The following SLC25A24 variants were observed in gnomAD, a reference collection of about 807,000 sequenced individuals.
SLC25A24 encodes solute carrier family 25 member 24, also known as mitochondrial adenyl nucleotide antiporter SLC25A24.
SLC25A24 carries 49 observed loss-of-function variants against 60.7 expected under a neutral mutation model. That is an observed-to-expected ratio of 0.81 (90% confidence interval 0.64 to 1.02). The LOEUF (loss-of-function observed/expected upper bound fraction) is 1.02. SLC25A24 is among the 50% of genes least tolerant of loss of function. The pLI is 0.00. For missense variants in SLC25A24, 564 were observed against 586.3 expected, an observed-to-expected ratio of 0.96 and a Z score of 0.39; for synonymous variants, 202 against 200.6, an observed-to-expected ratio of 1.01 and a Z score of -0.06.
At chr1:108,158,725 G>A (rs890615675) in intron 4 of SLC25A24, among the ~76,000 whole-genome samples, 22 of 151,122 alleles carry the variant, frequency 1.5e-4, no homozygotes, top group East Asian at 5.8e-4. Context: ...AAAAAAGGCC[G>A]GGCACAGTGG....
chr1:108,174,292 A>G (rs1647589301), intron 3 of SLC25A24, among the ~76,000 whole-genome samples: 1 of 152,178 alleles, frequency 6.6e-6, no homozygotes. Context: ...AGCCATGGCT[A>G]AAAGGAGCCA....
intron 4 of SLC25A24, among the ~76,000 whole-genome samples, chr1:108,159,504 TTC>T (rs1679996481): frequency 6.6e-6 from 1 of 150,640 alleles, no homozygotes; most frequent in African/African-American, 2.4e-5. Context: ...TCTTGGGTGT[TTC>T]TCGCAGAGGG....
intron 3 of SLC25A24, among the ~76,000 whole-genome samples, chr1:108,167,802 A>T (rs1294212452): frequency 6.6e-6 from 1 of 152,220 alleles, no homozygotes; most frequent in Non-Finnish European, 1.5e-5. Flanking sequence ...CTATTCAGCC[A>T]TCTTCGCCTT....
intron 5 of SLC25A24, among the ~76,000 whole-genome samples, chr1:108,156,223 C>G (rs1679896631): frequency 6.6e-6 from 1 of 152,150 alleles, no homozygotes; most frequent in African/African-American, 2.4e-5. Flanking sequence ...GCATCTTTTC[C>G]CCGTAATAAA....
chr1:108,151,704 A>T (rs1679762081), intron 6 of SLC25A24, among the ~76,000 whole-genome samples: 1 of 152,004 alleles, frequency 6.6e-6, no homozygotes, highest in Non-Finnish European at 1.5e-5. Flanking sequence ...CTCAGCAACA[A>T]CCTCTCTATC....
intron 8 of SLC25A24, among the ~76,000 whole-genome samples, chr1:108,140,717 A>T (rs144367292): frequency 1.4e-4 from 21 of 152,172 alleles, no homozygotes; most frequent in African/African-American, 4.8e-4. Flanking sequence ...ATAAGTTGCT[A>T]TAACTTTAGT....
At chr1:108,154,073 A>ATTTTTTTTTTTTTTTTTTTTTTT (rs3043351) in intron 6 of SLC25A24, among the ~76,000 whole-genome samples, 1 of 133,484 alleles carries the variant, frequency 7.5e-6, no homozygotes, top group African/African-American at 2.9e-5. Flanking sequence ...ATTTTCTTTA[A>ATTTTTTTTTTTTTTTTTTTTTTT]TTTTTTTTTT....
chr1:108,142,007 T>C (rs182255181), intron 8 of SLC25A24, among the ~76,000 whole-genome samples: 13 of 152,366 alleles, frequency 8.5e-5, no homozygotes, highest in African/African-American at 1.2e-4. Context: ...CTTTATGTTA[T>C]GTGTTTTTAA....
At chr1:108,178,776 A>G (rs1187740693) in intron 3 of SLC25A24, among the ~76,000 whole-genome samples, 8 of 152,038 alleles carry the variant, frequency 5.3e-5, no homozygotes, top group Admixed American at 4.6e-4. Flanking sequence ...ATCGGGCCAC[A>G]GCACTCAAGC....
In SLC25A24 at chr1:108,200,296, G is replaced by A; in HGVS notation, c.-158C>T. On this transcript the variant is annotated 5_prime_UTR_variant, in exon 1 of 10. Transcript: ENST00000565488. ...TGCGGCTGCGGCGCGCAGGGCGCAG[G>A]GCGCAGGAGCGGAGACCCCACCCGA... The A allele has an allele frequency of 1.8e-6, 1 of 570,580 alleles. No homozygotes were observed. The highest frequency in any genetic ancestry group is 6.7e-5 in the South Asian group (1 of 15,030). 35.3% of individuals were successfully genotyped at this position (570,580 alleles called of 1,614,324 possible).
intron 7 of SLC25A24, among the ~76,000 whole-genome samples, chr1:108,146,196 C>T (rs531087743): frequency 8.5e-5 from 13 of 152,226 alleles, no homozygotes; most frequent in Non-Finnish European, 1.8e-4. Context: ...GGAGTTCACT[C>T]GTGATTTGGC....
chr1:108,175,250 T>C (rs1647630059), intron 3 of SLC25A24, among the ~76,000 whole-genome samples: 1 of 152,208 alleles, frequency 6.6e-6, no homozygotes, highest in Non-Finnish European at 1.5e-5. Context: ...ACCCTCATTC[T>C]GATGTTCTCA....
At chr1:108,155,661 C>T (rs1306123333) in intron 5 of SLC25A24, among the ~76,000 whole-genome samples, 2 of 152,000 alleles carry the variant, frequency 1.3e-5, no homozygotes, top group Non-Finnish European at 2.9e-5. Flanking sequence ...TATATCAGGG[C>T]TACCAACACT....
intron 7 of SLC25A24, among the ~76,000 whole-genome samples, 159 bp from the exon 8 acceptor site, chr1:108,143,869 T>TG (rs1571278415): frequency 6.6e-6 from 1 of 152,206 alleles, no homozygotes; most frequent in East Asian, 1.9e-4. Context: ...TTACCTCTAT[T>TG]GGGGGGCTAA....
At position 108,199,942 on chromosome 1, in the gene SLC25A24, C is replaced by T. The variant is rs746556604; in HGVS notation, c.183+14G>A. The T allele has an allele frequency of 4.0e-5, 64 of 1,595,608 alleles. No homozygotes were observed. Among genetic ancestry groups the T allele is most frequent in the Non-Finnish European group, 5.3e-5 (62 of 1,171,418 alleles). On this transcript the variant is annotated intron_variant, in intron 1 of 9. Coordinates refer to ENST00000565488, the MANE Select transcript of SLC25A24 (RefSeq NM_013386.5). ...CCCTCCCTACGCTCAGGCGGCGCCC[C>T]GGCGGCGACCCACCTCCTCGGCGTC...
At chr1:108,164,282 G>A (rs1246572983) in intron 3 of SLC25A24, among the ~76,000 whole-genome samples, 1 of 151,764 alleles carries the variant, frequency 6.6e-6, no homozygotes, top group Non-Finnish European at 1.5e-5. Flanking sequence ...GCCTGGCTTT[G>A]GTATCAGGAT....
At chr1:108,156,997 C>T (rs2101613440) in intron 5 of SLC25A24, among the ~76,000 whole-genome samples, 1 of 152,342 alleles carries the variant, frequency 6.6e-6, no homozygotes, top group African/African-American at 2.4e-5. Flanking sequence ...CCACTCTGGC[C>T]AGCCCAATGC....
chr1:108,199,317 A>G (rs1182106069), intron 1 of SLC25A24: 1 of 152,302 alleles, frequency 6.6e-6, no homozygotes, highest in Non-Finnish European at 1.5e-5. Context: ...AAGGGGCAGA[A>G]GTTCAGGGGC....
intron 3 of SLC25A24, among the ~76,000 whole-genome samples, chr1:108,175,476 T>C (rs1435748509): frequency 6.6e-6 from 1 of 152,146 alleles, no homozygotes; most frequent in African/African-American, 2.4e-5. Flanking sequence ...CAGTTCTTTA[T>C]AGCAGCATGA....
Sources: gnomAD v4.1 joint callset for allele counts (sites outside exome capture counted in the v4.1 genomes callset) on GRCh38, gnomAD v4.1.1 for gene constraint, MANE v1.5 for transcripts, NCBI Gene and HGNC (gene_info 2026-07-23, HGNC 2026-07-21) for gene names.